Variants in LRMDA observed in about 807,000 individuals in gnomAD.
LRMDA encodes the protein leucine-rich melanocyte differentiation-associated protein.
LRMDA carries 18 observed loss-of-function variants against 29.8 expected under a neutral mutation model. The observed-to-expected ratio is 0.60, with a 90% confidence interval of 0.42 to 0.90. LRMDA has a LOEUF of 0.90. LRMDA is among the 40% of genes least tolerant of loss of function. The pLI, the probability that LRMDA is intolerant of heterozygous loss-of-function variation, is 0.00. For synonymous variants in LRMDA, 125 were observed against 109.4 expected (o/e 1.14, Z -0.89); for missense variants, 273 against 273.9 (o/e 1.00, Z 0.02).
At chr10:75,763,584 G>A (rs1354790813) in intron 2 of LRMDA, among the ~76,000 whole-genome samples, 2 of 152,122 alleles carry the variant, frequency 1.3e-5, no homozygotes, top group Non-Finnish European at 2.9e-5. Context: ...GGATGATATC[G>A]AGCAAAACAG....
chr10:76,114,881 C>T (rs960696889), intron 5 of LRMDA, among the ~76,000 whole-genome samples: 1 of 152,176 alleles, frequency 6.6e-6, no homozygotes, highest in Non-Finnish European at 1.5e-5. Context: ...GCTTGCTTGT[C>T]CCCCCTGAAG....
At chr10:76,461,566 T>C (rs1451336403) in intron 6 of LRMDA, among the ~76,000 whole-genome samples, 1 of 152,120 alleles carries the variant, frequency 6.6e-6, no homozygotes, top group Non-Finnish European at 1.5e-5. Flanking sequence ...AACCATAAAT[T>C]TGTTTTCAGA....
chr10:75,601,668 TA>T (rs925750562), intron 2 of LRMDA, among the ~76,000 whole-genome samples: 26 of 152,168 alleles, frequency 1.7e-4, no homozygotes, highest in African/African-American at 6.0e-4. Flanking sequence ...ATTTTGGTAA[TA>T]AAAAATTTAA....
chr10:75,831,481 C>T (rs553848471), intron 2 of LRMDA, among the ~76,000 whole-genome samples: 9 of 152,330 alleles, frequency 5.9e-5, no homozygotes, highest in East Asian at 1.9e-4. Context: ...GGTATAGCGC[C>T]GCTCCTGGCT....
At chr10:76,410,435 A>G (rs1841948173) in intron 6 of LRMDA, among the ~76,000 whole-genome samples, 1 of 149,560 alleles carries the variant, frequency 6.7e-6, no homozygotes, top group Admixed American at 6.7e-5. Context: ...CAGCATCCTA[A>G]GTAGCTGGGA....
At chr10:76,112,820 G>A (rs1012637383) in intron 5 of LRMDA, among the ~76,000 whole-genome samples, 3 of 151,904 alleles carry the variant, frequency 2.0e-5, no homozygotes, top group Admixed American at 1.3e-4. Flanking sequence ...TTTTCTCTCT[G>A]GTTGCTGCTT....
chr10:75,797,740 C>T (rs1038489634), intron 2 of LRMDA, among the ~76,000 whole-genome samples: 6 of 152,246 alleles, frequency 3.9e-5, no homozygotes, highest in African/African-American at 1.4e-4. Context: ...GCTTTTATTG[C>T]TCCATAGTGT....
At chr10:75,714,849 C>G (rs1343235231) in intron 2 of LRMDA, among the ~76,000 whole-genome samples, 1 of 131,198 alleles carries the variant, frequency 7.6e-6, no homozygotes, top group Non-Finnish European at 1.6e-5. Flanking sequence ...CTCCCTCCCT[C>G]CCTCCCTCCC....
chr10:75,689,524 T>C (rs1842119697), intron 2 of LRMDA, among the ~76,000 whole-genome samples: 1 of 152,146 alleles, frequency 6.6e-6, no homozygotes, highest in African/African-American at 2.4e-5. Flanking sequence ...GAGCCAGCCT[T>C]TGCCCTCCCT....
chr10:75,749,914 C>T (rs1238755889), intron 2 of LRMDA, among the ~76,000 whole-genome samples: 3 of 152,192 alleles, frequency 2.0e-5, no homozygotes, highest in Admixed American at 6.5e-5. Context: ...TGAGTGGACA[C>T]ACCACATGTT....
chr10:75,706,655 G>GT (rs2132173697), intron 2 of LRMDA, among the ~76,000 whole-genome samples: 1 of 151,712 alleles, frequency 6.6e-6, no homozygotes, highest in Non-Finnish European at 1.5e-5. Context: ...AGCTTGCAGA[G>GT]TATGTTAGGG....
At chr10:76,441,293 G>C (rs1412372783) in intron 6 of LRMDA, among the ~76,000 whole-genome samples, 1 of 152,192 alleles carries the variant, frequency 6.6e-6, no homozygotes, top group Non-Finnish European at 1.5e-5. Context: ...CCATTTCTCT[G>C]AGCTTCAGGA....
At chr10:75,481,995 G>T (rs534728499) in intron 2 of LRMDA, among the ~76,000 whole-genome samples, 1 of 152,244 alleles carries the variant, frequency 6.6e-6, no homozygotes, top group South Asian at 2.1e-4. Context: ...AAATCTCTCC[G>T]TTAGGTGTTC....
chr10:76,241,093 G>T (rs1430281402), intron 5 of LRMDA, among the ~76,000 whole-genome samples: 1 of 151,986 alleles, frequency 6.6e-6, no homozygotes, highest in South Asian at 2.1e-4. Flanking sequence ...TGATATAATG[G>T]ACTTTGGGGT....
At chr10:75,586,869 A>G (rs1371729711) in intron 2 of LRMDA, among the ~76,000 whole-genome samples, 2 of 150,574 alleles carry the variant, frequency 1.3e-5, no homozygotes, top group African/African-American at 4.9e-5. Flanking sequence ...TATATTTTGG[A>G]GATTAACCTC....
intron 6 of LRMDA, among the ~76,000 whole-genome samples, chr10:76,440,524 A>G (rs550366888): frequency 7.6e-6 from 1 of 131,514 alleles, no homozygotes; most frequent in East Asian, 2.3e-4. Flanking sequence ...GATCTTGTAC[A>G]AGGCAATTAA....
At chr10:75,633,483 A>C (rs1432625886) in intron 2 of LRMDA, among the ~76,000 whole-genome samples, 1 of 152,234 alleles carries the variant, frequency 6.6e-6, no homozygotes, top group African/African-American at 2.4e-5. Context: ...ATACATAATT[A>C]ACAATTTTGT....
At chr10:75,489,007 C>G (rs1395903486) in intron 2 of LRMDA, among the ~76,000 whole-genome samples, 2 of 151,984 alleles carry the variant, frequency 1.3e-5, no homozygotes, top group Non-Finnish European at 2.9e-5. Context: ...TACATGAGTC[C>G]CTCTATGACC....
At chr10:75,571,432 G>C (rs1840436174) in intron 2 of LRMDA, among the ~76,000 whole-genome samples, 1 of 152,174 alleles carries the variant, frequency 6.6e-6, no homozygotes, top group South Asian at 2.1e-4. Context: ...CATTGGGTGT[G>C]ATCTTCCTGG....
Sources: allele counts gnomAD v4.1 joint callset (sites outside exome capture counted in the v4.1 genomes callset), GRCh38; gene constraint gnomAD v4.1.1; transcripts MANE v1.5; gene names NCBI Gene and HGNC (gene_info 2026-07-23, HGNC 2026-07-21).